Variants in USP28 observed in about 807,000 individuals in gnomAD.
USP28 encodes the protein ubiquitin specific peptidase 28, also known as ubiquitin carboxyl-terminal hydrolase 28.
Under a neutral mutation model 145.0 loss-of-function variants are expected in USP28, and 113 were observed. The ratio of observed to expected loss-of-function variants is 0.78; its 90% CI spans 0.67 to 0.91. The LOEUF is 0.91. USP28 is among the 40% of genes least tolerant of loss of function. USP28 has a pLI of 0.00. For missense variants in USP28, 1,201 were observed against 1,289.6 expected (o/e 0.93, Z 1.05); for synonymous variants, 447 against 450.9 (o/e 0.99, Z 0.11).
At chr11:113,875,121 C>T (rs74674984) in intron 1 of USP28, among the ~76,000 whole-genome samples, 2 of 152,182 alleles carry the variant, frequency 1.3e-5, no homozygotes, top group Admixed American at 6.5e-5. Context: ...AGTTTCTCAC[C>T]CCGGACGGGG....
At chr11:113,814,088 T>C (rs1941373616) in intron 14 of USP28, 133 bp from the exon 15 acceptor site, 2 of 615,720 alleles carry the variant, frequency 3.2e-6, no homozygotes, top group Admixed American at 3.3e-5. Context: ...CACGAAGCAA[T>C]ATACAGTTTT....
intron 1 of USP28, among the ~76,000 whole-genome samples, chr11:113,860,459 A>G (rs1947539341): frequency 6.6e-6 from 1 of 151,808 alleles, no homozygotes; most frequent in Non-Finnish European, 1.5e-5. Context: ...AAAAAAAAGA[A>G]AAAACAAAAA....
intron 7 of USP28, 23 bp downstream of exon 7, chr11:113,833,397 C>CA: frequency 1.9e-6 from 3 of 1,605,920 alleles, no homozygotes; most frequent in Non-Finnish European, 8.5e-7. Flanking sequence ...ACTTCAAACT[C>CA]AAGAACAAGG....
chr11:113,871,928 T>C (rs1948861143), intron 1 of USP28, among the ~76,000 whole-genome samples: 1 of 152,136 alleles, frequency 6.6e-6, no homozygotes, highest in Non-Finnish European at 1.5e-5. Flanking sequence ...GGGTCAGAAC[T>C]GCCTAGATAC....
At chr11:113,864,243 A>G (rs1285178369) in intron 1 of USP28, among the ~76,000 whole-genome samples, 1 of 152,220 alleles carries the variant, frequency 6.6e-6, no homozygotes, top group African/African-American at 2.4e-5. Flanking sequence ...TCTGTCTCAA[A>G]AAAAAGGTAA....
Position 113,817,952 on chromosome 11 carries a change from C to T in USP28, c.1284-115G>A. On this transcript the variant is annotated intron_variant, in intron 12 of 24. Coordinates refer to ENST00000003302, the Ensembl canonical transcript of USP28. ...CAATGGAAAGGCTTATTCCTAGAGG[C>T]TATACAATATTTAATAGGGTCCTCA... The T allele has an allele frequency of 3.6e-6, 4 of 1,116,568 alleles. No individual in the cohort carries two copies. In the South Asian group the frequency reaches 6.4e-5, roughly 18 times the overall value. 69.2% of individuals were successfully genotyped at this position (1,116,568 alleles called of 1,614,324 possible). A position where few individuals can be genotyped will look rare whatever the true frequency, so the allele number is the denominator to read the frequency against.
chr11:113,862,788 A>C (rs1197819991), intron 1 of USP28, among the ~76,000 whole-genome samples: 1 of 152,232 alleles, frequency 6.6e-6, no homozygotes, highest in Non-Finnish European at 1.5e-5. Flanking sequence ...GAGAAAAAAA[A>C]CAATGGTCAC....
At chr11:113,821,790 C>A in intron 12 of USP28, 1 of 181,132 alleles carries the variant, frequency 5.5e-6, no homozygotes, top group South Asian at 1.3e-4. Context: ...CAAAAGTTGC[C>A]ATTTCTTAAC....
exon 12 of USP28, chr11:113,823,650 C>T (rs771015744): frequency 8.1e-6 from 13 of 1,612,324 alleles, no homozygotes; most frequent in Middle Eastern, 1.6e-4. Context: ...CTTCAACTTT[C>T]GAATACACTC....
At chr11:113,858,356 T>A (rs914546979) in intron 1 of USP28, among the ~76,000 whole-genome samples, 5 of 152,178 alleles carry the variant, frequency 3.3e-5, no homozygotes, top group African/African-American at 1.2e-4. Flanking sequence ...TGCAAACTCA[T>A]TCTCTCATGC....
chr11:113,856,417 C>T (rs915688303), intron 1 of USP28, among the ~76,000 whole-genome samples: 1 of 152,140 alleles, frequency 6.6e-6, no homozygotes, highest in African/African-American at 2.4e-5. Context: ...AGAAAATAAT[C>T]CAGTAAAAAG....
chr11:113,814,080 C>T (rs181018757), intron 14 of USP28, 125 bp from the exon 15 acceptor site: 6 of 662,434 alleles, frequency 9.1e-6, no homozygotes, highest in East Asian at 8.4e-5. Flanking sequence ...CTATGAACCA[C>T]GAAGCAATAT....
exon 8 of USP28, chr11:113,831,922 A>G: frequency 1.9e-6 from 3 of 1,613,762 alleles, no homozygotes; most frequent in Non-Finnish European, 2.5e-6. Flanking sequence ...ACACTCACTT[A>G]ACATTAACAG....
chr11:113,803,191 G>A (rs775954822), exon 23 of USP28: 39 of 1,613,866 alleles, frequency 2.4e-5, no homozygotes, highest in Middle Eastern at 3.3e-4. Context: ...AAGCAATCAC[G>A]GATTCTTTGA....
intron 3 of USP28, among the ~76,000 whole-genome samples, chr11:113,843,158 G>A (rs1945402473): frequency 6.6e-6 from 1 of 152,178 alleles, no homozygotes; most frequent in African/African-American, 2.4e-5. Context: ...CTTGAACCCA[G>A]GAGGCGGAGG....
intron 1 of USP28, among the ~76,000 whole-genome samples, chr11:113,854,931 T>G (rs1946881998): frequency 6.6e-6 from 1 of 152,224 alleles, no homozygotes; most frequent in African/African-American, 2.4e-5. Context: ...TTTCTTTTGG[T>G]AGGCAGTGCA....
intron 5 of USP28, among the ~76,000 whole-genome samples, 172 bp from the exon 6 acceptor site, chr11:113,834,507 G>A (rs1019617475): frequency 6.6e-6 from 1 of 152,136 alleles, no homozygotes; most frequent in Non-Finnish European, 1.5e-5. Context: ...CAAAAAATTA[G>A]CTCAAAGAAT....
intron 3 of USP28, among the ~76,000 whole-genome samples, chr11:113,848,526 G>C (rs1403007136): frequency 6.6e-6 from 1 of 152,178 alleles, no homozygotes; most frequent in Non-Finnish European, 1.5e-5. Context: ...TGACACAGAA[G>C]CACAATGCAC....
chr11:113,840,285 T>C (rs560064187), intron 5 of USP28, among the ~76,000 whole-genome samples: 1 of 152,232 alleles, frequency 6.6e-6, no homozygotes, highest in Admixed American at 6.5e-5. Flanking sequence ...GCCACCACTG[T>C]CGCCTACCTG....
Sources: gnomAD v4.1 joint callset for allele counts (sites outside exome capture counted in the v4.1 genomes callset) on GRCh38, gnomAD v4.1.1 for gene constraint, MANE v1.5 for transcripts, NCBI Gene and HGNC (gene_info 2026-07-23, HGNC 2026-07-21) for gene names.